MCF2L: variants seen among roughly 807,000 people sequenced by gnomAD.
MCF2L encodes the protein MCF.2 cell line derived transforming sequence like, also known as guanine nucleotide exchange factor DBS.
Under a neutral mutation model 153.4 loss-of-function variants are expected in MCF2L, and 97 were observed. That is an observed-to-expected ratio of 0.63 (90% CI 0.54 to 0.75). The LOEUF (loss-of-function observed/expected upper bound fraction) is 0.75, where lower values mean the gene tolerates loss of function less well. MCF2L is among the 30% of genes least tolerant of loss of function. MCF2L has a pLI of 0.00. For missense variants in MCF2L, 1,347 were observed against 1,495.2 expected (o/e 0.90, Z 1.64); for synonymous variants, 659 against 632.2 (o/e 1.04, Z -0.64).
Position 113,046,782 on chromosome 13 carries a change from C to T in MCF2L, c.369+1421C>T, listed in dbSNP as rs573665894. Reference sequence around the variant, plus strand: ...TGACCCTGACTCAACCTGGCACACACCACCTATGGCATCGTTATCTGAAAT... The same window carrying T: ...TGACCCTGACTCAACCTGGCACACATCACCTATGGCATCGTTATCTGAAAT... On this transcript the variant is annotated intron_variant, in intron 4 of 29. Coordinates refer to ENST00000535094, the MANE Select transcript of MCF2L (RefSeq NM_001112732.3). The surrounding 1 kb of genome is among the most constrained non-coding windows in gnomAD (Gnocchi z 4.4). The T allele has an allele frequency of 1.2e-5, 5 of 423,608 alleles. No individual in the cohort carries two copies. Among genetic ancestry groups the T allele is most frequent in the African/African-American group, 1.0e-4 (5 of 48,446 alleles). The allele number at this position is 423,608 out of a possible 1,614,324, so 26.2% of individuals were successfully genotyped here.
In MCF2L at chr13:113,096,788, T is replaced by C. The variant is rs1292799201; in HGVS notation, c.3307T>C (p.Ser1103Pro). 1.5e-5 allele frequency: 24 copies of C among 1,566,934 alleles called. No individual in the cohort carries two copies. The East Asian group carries it at 5.8e-4, about 38-fold the overall frequency. The change falls in exon 30 of 30, where the codon TCG (serine) becomes CCG (proline). Residue 1103 changes from serine (S) to proline (P), a missense_variant. Ser to Pro is a moderately conservative substitution (Grantham distance 74). Coordinates refer to ENST00000535094, the MANE Select transcript of MCF2L (RefSeq NM_001112732.3). ...CLSSSESSPG[S>P]AVLSNSSSCS... ...TCTCCCCGCAGAGTCGAGCCCGGGG[T>C]CGGCCGTGCTGAGCAACTCGTCCAG...
At chr13:113,059,553 T>C (rs1436211122) in intron 4 of MCF2L, among the ~76,000 whole-genome samples, 1 of 152,258 alleles carries the variant, frequency 6.6e-6, no homozygotes, top group African/African-American at 2.4e-5. Context: ...TCTCCCTGGA[T>C]TTCAGCATCT....
chr13:112,986,573 G>T (rs1302801095), intron 1 of MCF2L, among the ~76,000 whole-genome samples: 1 of 152,238 alleles, frequency 6.6e-6, no homozygotes. Context: ...ACCACGGGGT[G>T]TCTCTGAGGA....
intron 2 of MCF2L, among the ~76,000 whole-genome samples, chr13:112,903,619 G>T (rs950321924): frequency 7.2e-5 from 11 of 152,154 alleles, no homozygotes; most frequent in African/African-American, 2.7e-4. Context: ...CTGGCTGGGG[G>T]GCTGCGTTTC....
rs954327745 is a variant in MCF2L at position 112,895,697 on chromosome 13, C to A, written c.-5+1266C>A. On this transcript the variant is annotated intron_variant, in intron 1 of 29. Transcript: ENST00000375608. ...CAGGGGGGCAGTGAGGACTCTGGGG[C>A]AAGCTGACAGCTAGGTGGGCAGGAG... Among the ~76,000 whole-genome samples the A allele has an allele frequency of 9.9e-5, 15 of 152,114 alleles. No individual in the cohort carries two copies. In the South Asian group the frequency reaches 1.2e-3, roughly 13 times the overall value.
In MCF2L at chr13:113,038,208, A is replaced by G. The variant is rs552472922; in HGVS notation, c.279-7063A>G. 3.4e-3 allele frequency among the ~76,000 whole-genome samples: 521 copies of G among 152,260 alleles called. 4 individuals are homozygous for G. The highest frequency in any genetic ancestry group is 7.5e-3 in the South Asian group (36 of 4,820). On this transcript the variant is annotated intron_variant, in intron 3 of 29. Coordinates refer to ENST00000535094, the MANE Select transcript of MCF2L (RefSeq NM_001112732.3). ...GGGCCAGGCACAGTGGCTCATGCCTATAATCCCAGCACTTTGGGAGGCCGA... is the reference window on the plus strand; with the variant it reads ...GGGCCAGGCACAGTGGCTCATGCCTGTAATCCCAGCACTTTGGGAGGCCGA...
At chr13:113,075,930 C>T (rs757095270) in intron 11 of MCF2L, 36 bp from the exon 12 acceptor site, 28 of 1,535,982 alleles carry the variant, frequency 1.8e-5, no homozygotes, top group East Asian at 4.6e-5. Flanking sequence ...CACCCTCTCA[C>T]GGCGTCCTGC....
At chr13:112,919,462 C>T (rs2081331910) in intron 2 of MCF2L, among the ~76,000 whole-genome samples, 2 of 152,060 alleles carry the variant, frequency 1.3e-5, no homozygotes, top group Non-Finnish European at 1.5e-5. Context: ...GCCTCGGCCT[C>T]CCAAAGTGCT....
At chr13:113,009,183 G>T (rs1156735731) in intron 1 of MCF2L, 1 of 152,278 alleles carries the variant, frequency 6.6e-6, no homozygotes, top group Non-Finnish European at 1.5e-5. Flanking sequence ...GCCCTTGCCG[G>T]TTGGTGTTGC....
At chr13:113,089,237 C>T (rs534981793) in intron 25 of MCF2L, among the ~76,000 whole-genome samples, 1 of 132,930 alleles carries the variant, frequency 7.5e-6, no homozygotes, top group Non-Finnish European at 1.6e-5. Flanking sequence ...CGTCTGTTCT[C>T]ATCCAGCCCG....
At chr13:113,009,382 T>C (rs941873746) in intron 1 of MCF2L, 1 of 152,384 alleles carries the variant, frequency 6.6e-6, no homozygotes, top group Middle Eastern at 3.4e-3. Context: ...TATTTATACC[T>C]AACCCACTAG....
At chr13:112,979,042 C>T (rs2082308525) in intron 1 of MCF2L, among the ~76,000 whole-genome samples, 1 of 152,204 alleles carries the variant, frequency 6.6e-6, no homozygotes, top group Non-Finnish European at 1.5e-5. Context: ...ACGGGCTCAA[C>T]ACCTCTTGGG....
chr13:113,094,999 C>A (rs756079848), intron 27 of MCF2L: 1 of 1,376,748 alleles, frequency 7.3e-7, no homozygotes, highest in Non-Finnish European at 9.7e-7. Context: ...AGAGCCCACT[C>A]GTGGGTGCAC....
intron 2 of MCF2L, among the ~76,000 whole-genome samples, chr13:112,911,313 G>A (rs948289969): frequency 6.6e-6 from 1 of 152,218 alleles, no homozygotes; most frequent in African/African-American, 2.4e-5. Flanking sequence ...GGAGCCCTGT[G>A]TCTACACACG....
intron 5 of MCF2L, among the ~76,000 whole-genome samples, chr13:113,063,312 CA>C (rs1170470704): frequency 6.6e-6 from 1 of 150,548 alleles, no homozygotes; most frequent in East Asian, 2.0e-4. Context: ...CAGGCGCCCC[CA>C]TCCGCTCAGC....
chr13:113,066,330 G>A (rs993924338), intron 8 of MCF2L, among the ~76,000 whole-genome samples, 160 bp downstream of exon 8: 1 of 152,252 alleles, frequency 6.6e-6, no homozygotes, highest in African/African-American at 2.4e-5. Flanking sequence ...CGGCCTCCGA[G>A]CCTCTGTGTG....
intron 2 of MCF2L, among the ~76,000 whole-genome samples, chr13:112,914,101 G>T (rs1046661979): frequency 6.6e-6 from 1 of 151,866 alleles, no homozygotes; most frequent in African/African-American, 2.4e-5. Context: ...TCTTTTTTGG[G>T]TTTGTAATAA....
At chr13:113,078,587 A>C in intron 14 of MCF2L, 79 bp from the exon 15 acceptor site, 3 of 1,445,038 alleles carry the variant, frequency 2.1e-6, no homozygotes, top group Non-Finnish European at 2.9e-6. Context: ...CCATACGGGA[A>C]CTGGTGGGCT....
Position 113,077,044 on chromosome 13 carries a change from G to T in MCF2L, c.1501-8G>T. The T allele has an allele frequency of 6.2e-7, 1 of 1,607,562 alleles. No homozygotes were observed. Among genetic ancestry groups the T allele is most frequent in the Non-Finnish European group, 8.5e-7 (1 of 1,176,190 alleles). On this transcript the variant is annotated splice_region_variant and splice_polypyrimidine_tract_variant and intron_variant, in intron 12 of 29. Transcript: ENST00000535094. ...GTGCAAGGCACCTTACTGAGCATGCGGTTTCAGGAGCACGTGCGAAAGGTC... is the reference window on the plus strand; with the variant it reads ...GTGCAAGGCACCTTACTGAGCATGCTGTTTCAGGAGCACGTGCGAAAGGTC...
Sources: allele counts gnomAD v4.1 joint callset (sites outside exome capture counted in the v4.1 genomes callset), GRCh38; gene constraint gnomAD v4.1.1; non-coding constraint Gnocchi (gnomAD v3.1); transcripts MANE v1.5; gene names NCBI Gene and HGNC (gene_info 2026-07-23, HGNC 2026-07-21).